Variants in GABARAPL1 observed in about 807,000 individuals in gnomAD.
GABARAPL1 encodes the protein GABA type A receptor associated protein like 1.
Under a neutral mutation model 14.5 loss-of-function variants are expected in GABARAPL1, and 4 were observed. The observed-to-expected ratio is 0.28, with a 90% CI of 0.14 to 0.63. The LOEUF is 0.63. Among genes scored for constraint, GABARAPL1 ranks in the 30% least tolerant of loss-of-function variants. GABARAPL1 has a pLI of 0.84. For synonymous variants in GABARAPL1, 47 were observed against 50.6 expected, an observed-to-expected ratio of 0.93 and a Z score of 0.30; for missense variants, 82 against 139.2, an observed-to-expected ratio of 0.59 and a Z score of 2.07.
rs772938866 is a variant in GABARAPL1 at position 10,220,569 on chromosome 12, T to A, written c.288+11T>A. On this transcript the variant is annotated intron_variant, in intron 3 of 3. Coordinates refer to ENST00000266458, the MANE Select transcript of GABARAPL1 (RefSeq NM_031412.4). ...GGCCAACTGTATGAGGTAATGGTTC[T>A]GGTTGCACAATACTGGATGCCGTCC... is the stretch of plus-strand genomic sequence containing the variant. The A allele has an allele frequency of 3.1e-5, 50 of 1,614,130 alleles. No individual in the cohort carries two copies. Among genetic ancestry groups the A allele is most frequent in the Non-Finnish European group, 4.2e-5 (49 of 1,179,988 alleles).
chr12:10,220,957 T>C, intron 3 of GABARAPL1: 1 of 1,271,332 alleles, frequency 7.9e-7, no homozygotes, highest in Non-Finnish European at 9.9e-7. Context: ...TTTACTCCCA[T>C]TTAGCAACAG....
chr12:10,220,719 G>C, intron 3 of GABARAPL1, 161 bp downstream of exon 3: 1 of 1,532,006 alleles, frequency 6.5e-7, no homozygotes, highest in African/African-American at 1.4e-5. Flanking sequence ...TGAGAGATTA[G>C]ATACCTCTTG....
rs116048218 is a variant in GABARAPL1 at position 10,213,611 on chromosome 12, C to A, written c.90+392C>A. The A allele has an allele frequency of 3.9e-3, 1,355 of 344,776 alleles. 17 individuals carry two copies. Among genetic ancestry groups the A allele is most frequent in the African/African-American group, 0.027 (1,270 of 46,434 alleles). The allele number at this position is 344,776 out of a possible 1,614,324, so 21.4% of individuals were successfully genotyped here. On this transcript the variant is annotated intron_variant, in intron 1 of 3. Coordinates refer to ENST00000266458, the MANE Select transcript of GABARAPL1 (RefSeq NM_031412.4). ...CCTTTAAGAACGCAGGGACATTGTG[C>A]TGTGCGGTGAGGTTTGCGCAAACCC...
chr12:10,214,298 T>A (rs1340753634), intron 1 of GABARAPL1: 1 of 155,846 alleles, frequency 6.4e-6, no homozygotes, highest in Non-Finnish European at 1.4e-5. Flanking sequence ...TTACCTAACG[T>A]TCGTGGTTTT....
chr12:10,220,696 C>T lies in GABARAPL1; in HGVS notation c.288+138C>T, dbSNP rs553037059. 5.2e-5 allele frequency: 80 copies of T among 1,542,198 alleles called. No individual in the cohort carries two copies. The South Asian group carries it at 8.7e-4, about 17-fold the overall frequency. On this transcript the variant is annotated intron_variant, in intron 3 of 3. Transcript: ENST00000266458. The stretch of plus-strand genomic sequence containing the variant: ...TTTATCCGGATCCTCTTACATATGG[C>T]AGTGTAAGGCTCTGAGAGATTAGAT...
Position 10,212,973 on chromosome 12 carries a change from A to AC in GABARAPL1, c.-150dup, listed in dbSNP as rs754494590. The AC allele has an allele frequency of 8.7e-6, 5 of 572,750 alleles. No individual in the cohort carries two copies. Among genetic ancestry groups the AC allele is most frequent in the Middle Eastern group, 4.4e-4 (1 of 2,292 alleles). 35.5% of individuals were successfully genotyped at this position (572,750 alleles called of 1,614,324 possible). On this transcript the variant is annotated 5_prime_UTR_variant, in exon 1 of 4. Coordinates refer to ENST00000266458, the MANE Select transcript of GABARAPL1 (RefSeq NM_031412.4). ...GGCTCACCCGAGATCCCCGCCCCGA[A>AC]CCCCCCCTGCACACTCGGCCCAGCG... is the stretch of plus-strand genomic sequence containing the variant.
At chr12:10,220,367 C>A (rs1187800032) in intron 2 of GABARAPL1, 73 bp from the exon 3 acceptor site, 2 of 1,593,370 alleles carry the variant, frequency 1.3e-6, no homozygotes, top group African/African-American at 2.7e-5. Context: ...GAATTTTTTT[C>A]CAGGACTTAC....
chr12:10,217,641 G>C (rs1192333942), intron 1 of GABARAPL1, among the ~76,000 whole-genome samples: 1 of 152,208 alleles, frequency 6.6e-6, no homozygotes, highest in Non-Finnish European at 1.5e-5. Context: ...GCTGAGGCAG[G>C]AGAATTGCTT....
chr12:10,215,395 CA>C (rs533247228), intron 1 of GABARAPL1, among the ~76,000 whole-genome samples: 1 of 151,994 alleles, frequency 6.6e-6, no homozygotes, highest in Admixed American at 6.6e-5. Flanking sequence ...TACAACATAT[CA>C]AAAAAACTGT....
chr12:10,215,709 C>T (rs1468686246), intron 1 of GABARAPL1, among the ~76,000 whole-genome samples: 2 of 152,038 alleles, frequency 1.3e-5, no homozygotes, highest in African/African-American at 2.4e-5. Flanking sequence ...GCTAGGTGTC[C>T]GAGTTCCTTT....
intron 2 of GABARAPL1, among the ~76,000 whole-genome samples, chr12:10,219,276 A>G (rs1949106711): frequency 6.7e-6 from 1 of 150,296 alleles, no homozygotes; most frequent in African/African-American, 2.5e-5. Context: ...CCGAGATCGC[A>G]CCACTGCACT....
chr12:10,222,785 C>G lies in GABARAPL1; in HGVS notation c.*933C>G, dbSNP rs1454517217. The G allele has an allele frequency of 6.6e-6, 1 of 152,342 alleles. No individual in the cohort carries two copies. Among genetic ancestry groups the G allele is most frequent in the Non-Finnish European group, 1.5e-5 (1 of 68,046 alleles). The allele number at this position is 152,342 out of a possible 1,614,324, so 9.4% of individuals were successfully genotyped here. A position where few individuals can be genotyped will look rare whatever the true frequency, so the allele number is the denominator to read the frequency against. ...CTCATTCAGGATTCTTGCTCCCATG[C>G]TGCTGTCCCTTCAGGCTCACATGCA... On this transcript the variant is annotated 3_prime_UTR_variant, in exon 4 of 4. Coordinates refer to ENST00000266458, the MANE Select transcript of GABARAPL1 (RefSeq NM_031412.4).
chr12:10,213,381 C>T (rs1041679898), intron 1 of GABARAPL1, 162 bp downstream of exon 1: 8 of 698,832 alleles, frequency 1.1e-5, no homozygotes, highest in Non-Finnish European at 1.8e-5. Flanking sequence ...CAATGGACGT[C>T]CAGACTGTAG....
intron 1 of GABARAPL1, chr12:10,214,361 A>C (rs7136468): frequency 0.12 from 17,978 of 152,528 alleles, 1,716 homozygotes; most frequent in African/African-American, 0.26. Flanking sequence ...ACCTCTTGTA[A>C]CCCTTTTCCT....
intron 1 of GABARAPL1, 99 bp downstream of exon 1, chr12:10,213,318 A>G: frequency 1.3e-6 from 1 of 751,338 alleles, no homozygotes; most frequent in Non-Finnish European, 2.4e-6. Context: ...GCGGCTCTGG[A>G]GAAGGGAGGT....
At chr12:10,220,939 T>G in intron 3 of GABARAPL1, 1 of 1,307,956 alleles carries the variant, frequency 7.6e-7, no homozygotes, top group Non-Finnish European at 9.7e-7. Flanking sequence ...CAGAATCCAG[T>G]TCATTATTTT....
At chr12:10,221,625 T>G (rs2137592465) in intron 3 of GABARAPL1, 162 bp from the exon 4 acceptor site, 1 of 499,488 alleles carries the variant, frequency 2.0e-6, no homozygotes, top group Admixed American at 6.4e-5. Context: ...AACTCAGAGC[T>G]CAAAGTGTAA....
intron 3 of GABARAPL1, 31 bp downstream of exon 3, chr12:10,220,589 C>T (rs1361753292): frequency 1.2e-6 from 2 of 1,613,402 alleles, no homozygotes; most frequent in Non-Finnish European, 1.7e-6. Context: ...ATACTGGATG[C>T]CGTCCAGTGC....
At chr12:10,218,210 G>C in intron 2 of GABARAPL1, 69 bp downstream of exon 2, 1 of 860,884 alleles carries the variant, frequency 1.2e-6, no homozygotes, top group East Asian at 2.4e-5. Context: ...TTACATGCAT[G>C]AGATTGTGAG....
Sources: allele counts gnomAD v4.1 joint callset (sites outside exome capture counted in the v4.1 genomes callset), GRCh38; gene constraint gnomAD v4.1.1; transcripts MANE v1.5; gene names NCBI Gene and HGNC (gene_info 2026-07-23, HGNC 2026-07-21).